Variants in NEMP2 observed in about 807,000 individuals in gnomAD.
NEMP2 encodes the protein nuclear envelope integral membrane protein 2, also known as UPF0571 transmembrane protein.
NEMP2 carries 53 observed loss-of-function variants against 54.2 expected under a neutral mutation model. That is an observed-to-expected ratio of 0.98 (90% CI 0.78 to 1.23). The LOEUF is 1.23. Ranked by LOEUF, NEMP2 falls within the 50% of genes most tolerant of loss-of-function variation. The pLI is 0.00. For missense variants in NEMP2, 455 were observed against 511.3 expected, an observed-to-expected ratio of 0.89 and a Z score of 1.06; for synonymous variants, 197 against 190.3, an observed-to-expected ratio of 1.04 and a Z score of -0.29.
In NEMP2 at chr2:190,530,982, G is replaced by A. The variant is rs1691125551; in HGVS notation, c.97+3577C>T. Among the ~76,000 whole-genome samples the A allele has an allele frequency of 6.6e-6, 1 of 152,110 alleles. No individual in the cohort carries two copies. Among genetic ancestry groups the A allele is most frequent in the African/African-American group, 2.4e-5 (1 of 41,416 alleles). On this transcript the variant is annotated intron_variant, in intron 1 of 8. Coordinates refer to ENST00000409150, the MANE Select transcript of NEMP2 (RefSeq NM_001142645.2). The surrounding 1 kb of genome is among the most constrained non-coding windows in gnomAD (Gnocchi z 4.6). ...AATTTGAGACCAGCCTGGGCAATATGGTGAAACCCTGTCTTTACCAAAAAT... is the reference window on the plus strand; with the variant it reads ...AATTTGAGACCAGCCTGGGCAATATAGTGAAACCCTGTCTTTACCAAAAAT...
At chr2:190,562,935 T>C in the NEMP2 span, among the ~76,000 whole-genome samples, 4 of 152,270 alleles carry the variant, frequency 2.6e-5, no homozygotes, top group Middle Eastern at 3.4e-3. This position sits in a 1 kb window ranked among gnomAD's most constrained non-coding sequence, Gnocchi z 5.0. Context: ...CCTAAAACTA[T>C]GTATAAGCTG....
chr2:190,592,198 C>T, the NEMP2 span, among the ~76,000 whole-genome samples: 4 of 152,138 alleles, frequency 2.6e-5, no homozygotes, highest in Non-Finnish European at 5.9e-5. The surrounding 1 kb of genome is among the most constrained non-coding windows in gnomAD (Gnocchi z 4.4). Flanking sequence ...TAACAATGAC[C>T]TGGTTATGTA....
the NEMP2 span, among the ~76,000 whole-genome samples, chr2:190,555,816 G>T: frequency 1.3e-5 from 2 of 152,090 alleles, no homozygotes; most frequent in African/African-American, 4.8e-5. The surrounding 1 kb of genome is among the most constrained non-coding windows in gnomAD (Gnocchi z 4.8). Context: ...GAAATACAGA[G>T]AAATTGAGGC....
the NEMP2 span, among the ~76,000 whole-genome samples, chr2:190,634,474 C>A: frequency 5.9e-4 from 90 of 152,116 alleles, no homozygotes; most frequent in African/African-American, 2.1e-3. The surrounding 1 kb of genome is among the most constrained non-coding windows in gnomAD (Gnocchi z 6.8). Context: ...AGAATTGAAG[C>A]AAGTAGCTTA....
At chr2:190,538,956 G>A (rs949569230), upstream of NEMP2, among the ~76,000 whole-genome samples, 2 of 152,122 alleles carry the variant, frequency 1.3e-5, no homozygotes, top group African/African-American at 4.8e-5. The surrounding 1 kb of genome is among the most constrained non-coding windows in gnomAD (Gnocchi z 4.1). Flanking sequence ...GCAGAAGCTT[G>A]TTAGCTCGAT....
At chr2:190,592,327 ATGT>A in the NEMP2 span, among the ~76,000 whole-genome samples, 1 of 152,156 alleles carries the variant, frequency 6.6e-6, no homozygotes, top group Non-Finnish European at 1.5e-5. The surrounding 1 kb of genome is among the most constrained non-coding windows in gnomAD (Gnocchi z 4.4). Flanking sequence ...AGTTCCATAA[ATGT>A]TGTTCTCCCT....
At chr2:190,461,334 C>T in the NEMP2 span, among the ~76,000 whole-genome samples, 3 of 152,186 alleles carry the variant, frequency 2.0e-5, no homozygotes, top group Non-Finnish European at 4.4e-5. The surrounding 1 kb of genome is among the most constrained non-coding windows in gnomAD (Gnocchi z 5.5). Flanking sequence ...AGTAAAGTCT[C>T]TCTCCCACCC....
At chr2:190,453,874 A>G in the NEMP2 span, among the ~76,000 whole-genome samples, 1 of 152,234 alleles carries the variant, frequency 6.6e-6, no homozygotes, top group East Asian at 1.9e-4. Context: ...AGACTTGACC[A>G]GCAAACAAAT....
At chr2:190,517,455 T>G in intron 5 of NEMP2, 65 bp downstream of exon 5, 2 of 1,162,896 alleles carry the variant, frequency 1.7e-6, no homozygotes, top group Non-Finnish European at 2.5e-6. Flanking sequence ...TTAATTTTGA[T>G]TAATTTTTCA....
At chr2:190,443,928 T>A in the NEMP2 span, among the ~76,000 whole-genome samples, 1 of 152,118 alleles carries the variant, frequency 6.6e-6, no homozygotes, top group Admixed American at 6.5e-5. This position sits in a 1 kb window ranked among gnomAD's most constrained non-coding sequence, Gnocchi z 4.2. Flanking sequence ...GTCACACGCC[T>A]GTAGTCCCAG....
chr2:190,636,746 T>G, the NEMP2 span, among the ~76,000 whole-genome samples: 1 of 152,162 alleles, frequency 6.6e-6, no homozygotes, highest in Admixed American at 6.5e-5. Context: ...AGAAAACACA[T>G]CTCAAAAATC....
the NEMP2 span, among the ~76,000 whole-genome samples, chr2:190,618,664 C>T: frequency 3.3e-5 from 5 of 152,310 alleles, no homozygotes; most frequent in African/African-American, 9.6e-5. Context: ...ACTGCAGCCT[C>T]GATCTCCTGG....
At chr2:190,584,937 AAGAAAGAAAGAAAGAAAGAAAGAAAG>A in the NEMP2 span, among the ~76,000 whole-genome samples, 9 of 147,354 alleles carry the variant, frequency 6.1e-5, no homozygotes, top group African/African-American at 2.3e-4. This position sits in a 1 kb window ranked among gnomAD's most constrained non-coding sequence, Gnocchi z 4.2. Flanking sequence ...GAAAGAAAGA[AAGAAAGAAAGAAAGAAAGAAAGAAAG>A]AGACATAATG....
At chr2:190,491,767 C>T in the NEMP2 span, among the ~76,000 whole-genome samples, 1 of 152,134 alleles carries the variant, frequency 6.6e-6, no homozygotes. The surrounding 1 kb of genome is among the most constrained non-coding windows in gnomAD (Gnocchi z 4.2). Context: ...CCTGCCCCAA[C>T]AAAATCACAC....
the NEMP2 span, among the ~76,000 whole-genome samples, chr2:190,598,561 G>A: frequency 0.82 from 124,521 of 152,234 alleles, 51,030 homozygotes; most frequent in Admixed American, 0.84. Context: ...GCATCAAGTC[G>A]TGTTTTGCTT....
At chr2:190,488,836 CTTT>C in the NEMP2 span, 3 of 1,514,054 alleles carry the variant, frequency 2.0e-6, no homozygotes, top group Non-Finnish European at 1.8e-6. The surrounding 1 kb of genome is among the most constrained non-coding windows in gnomAD (Gnocchi z 6.4). Flanking sequence ...TGGCTTTCTC[CTTT>C]TTTTTCTTTT....
the NEMP2 span, among the ~76,000 whole-genome samples, chr2:190,545,832 G>C: frequency 1.3e-5 from 2 of 151,994 alleles, no homozygotes; most frequent in Middle Eastern, 3.4e-3. Context: ...CAGAGCCTCT[G>C]TTTTCATTAT....
At chr2:190,477,422 A>G in the NEMP2 span, 1 of 920,322 alleles carries the variant, frequency 1.1e-6, no homozygotes. Context: ...ATAATAATAC[A>G]TGCATATAAC....
the NEMP2 span, among the ~76,000 whole-genome samples, chr2:190,565,025 G>A: frequency 2.0e-5 from 3 of 152,218 alleles, no homozygotes; most frequent in African/African-American, 7.2e-5. Context: ...TTGGCAGAGA[G>A]TGGGGGTGAG....
Sources: allele counts gnomAD v4.1 joint callset (sites outside exome capture counted in the v4.1 genomes callset), GRCh38; gene constraint gnomAD v4.1.1; non-coding constraint Gnocchi (gnomAD v3.1); transcripts MANE v1.5; gene names NCBI Gene and HGNC (gene_info 2026-07-23, HGNC 2026-07-21).